The following SEMA6D variants were observed in gnomAD, a reference collection of about 807,000 sequenced individuals.
SEMA6D encodes semaphorin 6D.
SEMA6D carries 35 observed loss-of-function variants against 106.6 expected under a neutral mutation model. The observed-to-expected ratio is 0.33, with a 90% CI of 0.25 to 0.44. The LOEUF is 0.44. SEMA6D is among the 20% of genes least tolerant of loss of function. SEMA6D has a pLI of 1.00. For missense variants in SEMA6D, 1,185 were observed against 1,345.9 expected (o/e 0.88, Z 1.87); for synonymous variants, 499 against 487.7 (o/e 1.02, Z -0.31).
At chr15:47,379,100 A>G (rs541022744) in intron 1 of SEMA6D, among the ~76,000 whole-genome samples, 4 of 152,324 alleles carry the variant, frequency 2.6e-5, no homozygotes, top group African/African-American at 9.6e-5. Flanking sequence ...GAACTTTTGA[A>G]CTTATAAAGC....
chr15:47,316,860 A>G (rs915473456), intron 1 of SEMA6D, among the ~76,000 whole-genome samples: 2 of 152,122 alleles, frequency 1.3e-5, no homozygotes, highest in Non-Finnish European at 2.9e-5. Flanking sequence ...TATAAGAGAT[A>G]TTAGTCTGTA....
chr15:47,246,915 G>C (rs888896933), intron 1 of SEMA6D, among the ~76,000 whole-genome samples: 1 of 152,172 alleles, frequency 6.6e-6, no homozygotes, highest in Non-Finnish European at 1.5e-5. Context: ...GGGTCTGGGT[G>C]TGTGGCGGCC....
intron 1 of SEMA6D, among the ~76,000 whole-genome samples, chr15:47,368,566 G>C (rs1157107084): frequency 1.3e-5 from 2 of 151,842 alleles, no homozygotes; most frequent in Non-Finnish European, 2.9e-5. Flanking sequence ...CGCCTCCCGG[G>C]TTCACGCCAT....
intron 3 of SEMA6D, among the ~76,000 whole-genome samples, chr15:47,598,855 A>G (rs1031034574): frequency 2.6e-5 from 4 of 152,128 alleles, no homozygotes; most frequent in Admixed American, 2.0e-4. Flanking sequence ...TTTTACTTAT[A>G]TATTATATAC....
intron 1 of SEMA6D, among the ~76,000 whole-genome samples, chr15:47,198,962 C>G (rs995684672): frequency 2.0e-5 from 3 of 152,116 alleles, no homozygotes; most frequent in Non-Finnish European, 4.4e-5. Flanking sequence ...AAGCATCATT[C>G]TGAGGACTAA....
At chr15:47,279,696 G>A (rs993673534) in intron 1 of SEMA6D, among the ~76,000 whole-genome samples, 3 of 152,186 alleles carry the variant, frequency 2.0e-5, no homozygotes, top group African/African-American at 4.8e-5. Context: ...TTTGAGAGAC[G>A]TCCCATCAAT....
chr15:47,621,365 T>C (rs2077096164), intron 4 of SEMA6D, among the ~76,000 whole-genome samples: 1 of 152,080 alleles, frequency 6.6e-6, no homozygotes, highest in South Asian at 2.1e-4. Context: ...ATGTCCAAAC[T>C]CTTCCCCCAG....
intron 2 of SEMA6D, among the ~76,000 whole-genome samples, chr15:47,438,795 T>C (rs1280687807): frequency 6.6e-6 from 1 of 151,918 alleles, no homozygotes; most frequent in Non-Finnish European, 1.5e-5. Flanking sequence ...ATTATTTGTT[T>C]TTCCTTCTAG....
At chr15:47,536,836 T>G (rs944038390) in intron 3 of SEMA6D, among the ~76,000 whole-genome samples, 7 of 152,106 alleles carry the variant, frequency 4.6e-5, no homozygotes, top group Admixed American at 3.9e-4. Flanking sequence ...AAAAATAACT[T>G]TAAAAGTTAC....
At chr15:47,472,762 T>C (rs1051823534) in intron 3 of SEMA6D, among the ~76,000 whole-genome samples, 2 of 152,240 alleles carry the variant, frequency 1.3e-5, no homozygotes, top group African/African-American at 2.4e-5. Context: ...AGGTGAAGAC[T>C]GAATCCTGAA....
chr15:47,192,315 C>T (rs1433497330), intron 1 of SEMA6D, among the ~76,000 whole-genome samples: 1 of 152,198 alleles, frequency 6.6e-6, no homozygotes. Flanking sequence ...TACCTCCTTT[C>T]AAGTTTTCTC....
chr15:47,521,515 T>C (rs781281651), intron 3 of SEMA6D, among the ~76,000 whole-genome samples: 1 of 152,194 alleles, frequency 6.6e-6, no homozygotes, highest in Non-Finnish European at 1.5e-5. Context: ...TGAACAAATG[T>C]TCCTTGAGTA....
At chr15:47,629,795 A>G (rs2077262649) in intron 4 of SEMA6D, among the ~76,000 whole-genome samples, 1 of 151,792 alleles carries the variant, frequency 6.6e-6, no homozygotes, top group Non-Finnish European at 1.5e-5. Flanking sequence ...GTGAGAATGT[A>G]TAATATTTGT....
At chr15:47,609,888 G>A (rs1187204048) in intron 4 of SEMA6D, among the ~76,000 whole-genome samples, 3 of 152,194 alleles carry the variant, frequency 2.0e-5, no homozygotes, top group Non-Finnish European at 2.9e-5. Flanking sequence ...CACTGCCCCT[G>A]TGGCTTCAGC....
At chr15:47,222,136 C>G (rs1245484552) in intron 1 of SEMA6D, among the ~76,000 whole-genome samples, 2 of 152,150 alleles carry the variant, frequency 1.3e-5, no homozygotes, top group Non-Finnish European at 2.9e-5. Flanking sequence ...AGTTCCCAGT[C>G]TGTTTGACCA....
At chr15:47,325,681 C>T (rs1038583661) in intron 1 of SEMA6D, among the ~76,000 whole-genome samples, 2 of 152,078 alleles carry the variant, frequency 1.3e-5, no homozygotes, top group East Asian at 1.9e-4. Flanking sequence ...TGCTCTCTTC[C>T]GTGGTTGTTG....
At chr15:47,266,044 T>C (rs920489531) in intron 1 of SEMA6D, among the ~76,000 whole-genome samples, 10 of 152,148 alleles carry the variant, frequency 6.6e-5, no homozygotes, top group South Asian at 4.1e-4. Context: ...ACTGATGTAA[T>C]CAAATGTAGT....
At chr15:47,632,003 A>G (rs963470999) in intron 4 of SEMA6D, among the ~76,000 whole-genome samples, 1 of 151,434 alleles carries the variant, frequency 6.6e-6, no homozygotes, top group African/African-American at 2.4e-5. Flanking sequence ...TGAGCTCTCT[A>G]TTTTTTTTAA....
At chr15:47,344,787 C>T (rs1180026908) in intron 1 of SEMA6D, among the ~76,000 whole-genome samples, 1 of 152,040 alleles carries the variant, frequency 6.6e-6, no homozygotes, top group Non-Finnish European at 1.5e-5. Flanking sequence ...TGTTTGCAGA[C>T]AACATAAATA....
Sources: allele counts gnomAD v4.1 joint callset (sites outside exome capture counted in the v4.1 genomes callset), GRCh38; gene constraint gnomAD v4.1.1; transcripts MANE v1.5; gene names NCBI Gene and HGNC (gene_info 2026-07-23, HGNC 2026-07-21).